Variants in ADCY1 observed in about 807,000 individuals in gnomAD.
ADCY1 encodes adenylate cyclase 1, also known as adenylate cyclase type 1.
A neutral mutation model predicts 105.4 loss-of-function variants in ADCY1; 28 were observed. That is an observed-to-expected ratio of 0.27 (90% CI 0.20 to 0.36). The LOEUF is 0.36. ADCY1 is among the 10% of genes least tolerant of loss of function. The pLI is 1.00. For missense variants in ADCY1, 977 were observed against 1,434.2 expected (o/e 0.68, Z 5.15); for synonymous variants, 655 against 623.8 (o/e 1.05, Z -0.75).
chr7:45,711,264 G>A (rs930100903), intron 19 of ADCY1, among the ~76,000 whole-genome samples: 9 of 152,036 alleles, frequency 5.9e-5, no homozygotes. Flanking sequence ...ATTGTGAGGG[G>A]CCACACAGCC....
chr7:45,656,236 G>GA (rs1242758631), intron 5 of ADCY1, among the ~76,000 whole-genome samples: 1 of 151,994 alleles, frequency 6.6e-6, no homozygotes, highest in Non-Finnish European at 1.5e-5. Flanking sequence ...CCGGGAGGCG[G>GA]AGCTTGCAGT....
At chr7:45,630,482 G>A (rs931138932) in intron 4 of ADCY1, among the ~76,000 whole-genome samples, 2 of 152,120 alleles carry the variant, frequency 1.3e-5, no homozygotes, top group African/African-American at 4.8e-5. Flanking sequence ...CCAGATATTT[G>A]CAGAACGATA....
At chr7:45,674,916 A>T (rs2116174126) in intron 8 of ADCY1, among the ~76,000 whole-genome samples, 1 of 152,280 alleles carries the variant, frequency 6.6e-6, no homozygotes, top group Non-Finnish European at 1.5e-5. Flanking sequence ...TATTAATTTC[A>T]ACTTACATAT....
At chr7:45,658,452 C>T (rs1044312714) in intron 6 of ADCY1, among the ~76,000 whole-genome samples, 3 of 152,168 alleles carry the variant, frequency 2.0e-5, no homozygotes, top group African/African-American at 7.2e-5. Context: ...CCCTCTGCCA[C>T]CCCCAGGTCC....
At chr7:45,627,358 T>C (rs1447660373) in intron 4 of ADCY1, among the ~76,000 whole-genome samples, 1 of 152,186 alleles carries the variant, frequency 6.6e-6, no homozygotes, top group Non-Finnish European at 1.5e-5. Flanking sequence ...TCACCAGCCT[T>C]CTGTGGAACG....
At chr7:45,582,320 T>C (rs570341166) in intron 1 of ADCY1, among the ~76,000 whole-genome samples, 54 of 152,242 alleles carry the variant, frequency 3.5e-4, no homozygotes, top group African/African-American at 1.2e-3. Flanking sequence ...GCCCAGTTCC[T>C]GCACCTCCAG....
chr7:45,698,092 A>C (rs551851236), intron 14 of ADCY1, among the ~76,000 whole-genome samples: 1 of 152,138 alleles, frequency 6.6e-6, no homozygotes, highest in East Asian at 1.9e-4. Flanking sequence ...GAGAAATACA[A>C]CAAGATGCTA....
At chr7:45,691,033 G>A (rs1784777522) in intron 14 of ADCY1, among the ~76,000 whole-genome samples, 1 of 152,208 alleles carries the variant, frequency 6.6e-6, no homozygotes, top group African/African-American at 2.4e-5. Context: ...TTGGGCCTTG[G>A]CTATGACTCT....
intron 3 of ADCY1, among the ~76,000 whole-genome samples, chr7:45,616,713 CAAT>C (rs1584273171): frequency 6.6e-6 from 1 of 152,268 alleles, no homozygotes; most frequent in East Asian, 1.9e-4. Context: ...TGATCATACT[CAAT>C]GATGAAAAAC....
chr7:45,580,725 G>A (rs142108148), intron 1 of ADCY1, among the ~76,000 whole-genome samples: 35 of 152,326 alleles, frequency 2.3e-4, no homozygotes, highest in African/African-American at 7.5e-4. Flanking sequence ...CCCAAGTGGG[G>A]CAAAACCACA....
chr7:45,625,164 CT>C (rs1057187257), intron 4 of ADCY1, among the ~76,000 whole-genome samples: 4 of 152,184 alleles, frequency 2.6e-5, no homozygotes, highest in Admixed American at 6.5e-5. Context: ...TCTGCTGTTC[CT>C]TTCTATCTGT....
intron 14 of ADCY1, among the ~76,000 whole-genome samples, chr7:45,689,872 A>G (rs1286568001): frequency 6.6e-6 from 1 of 152,160 alleles, no homozygotes; most frequent in Admixed American, 6.5e-5. Context: ...GATGGGGTTG[A>G]GGGGAAAGGG....
intron 6 of ADCY1, 73 bp from the exon 7 acceptor site, chr7:45,659,969 C>G: frequency 5.1e-6 from 8 of 1,582,176 alleles, no homozygotes; most frequent in Non-Finnish European, 6.0e-6. Flanking sequence ...GCCCCTTCCC[C>G]TCTGGTAAGG....
At chr7:45,639,778 T>C (rs1242203765) in intron 4 of ADCY1, among the ~76,000 whole-genome samples, 1 of 151,834 alleles carries the variant, frequency 6.6e-6, no homozygotes, top group Non-Finnish European at 1.5e-5. Flanking sequence ...AGTGCAAGAG[T>C]AGACTGGTCA....
At chr7:45,623,432 CA>C (rs1417669001) in intron 4 of ADCY1, among the ~76,000 whole-genome samples, 2 of 152,230 alleles carry the variant, frequency 1.3e-5, no homozygotes, top group Non-Finnish European at 2.9e-5. Context: ...ACATTGGCCA[CA>C]AGGCTCCTGA....
intron 19 of ADCY1, 102 bp from the exon 20 acceptor site, chr7:45,713,591 T>C: frequency 1.0e-5 from 7 of 676,168 alleles, no homozygotes; most frequent in Non-Finnish European, 1.9e-5. Flanking sequence ...GGTTGGGCAG[T>C]CAGGGTGGAC....
chr7:45,683,406 G>A (rs2116201646), intron 11 of ADCY1, among the ~76,000 whole-genome samples: 1 of 152,168 alleles, frequency 6.6e-6, no homozygotes, highest in Middle Eastern at 3.4e-3. Flanking sequence ...TCTGCCCAAT[G>A]GGAGGATTTC....
intron 19 of ADCY1, among the ~76,000 whole-genome samples, chr7:45,713,475 T>C (rs757372876): frequency 9.8e-5 from 15 of 152,356 alleles, no homozygotes; most frequent in Non-Finnish European, 1.3e-4. Context: ...CGCTGGGTTG[T>C]CTTTGCAGGG....
chr7:45,643,821 G>C (rs966058312), intron 4 of ADCY1, among the ~76,000 whole-genome samples: 4 of 152,142 alleles, frequency 2.6e-5, no homozygotes, highest in Non-Finnish European at 5.9e-5. Context: ...TTTGATGCTG[G>C]TAGTGCATGC....
Sources: allele counts gnomAD v4.1 joint callset (sites outside exome capture counted in the v4.1 genomes callset), GRCh38; gene constraint gnomAD v4.1.1; transcripts MANE v1.5; gene names NCBI Gene and HGNC (gene_info 2026-07-23, HGNC 2026-07-21).